IL12RB2: variants seen among roughly 807,000 people sequenced by gnomAD.
IL12RB2 encodes interleukin 12 receptor subunit beta 2.
A neutral mutation model predicts 89.4 loss-of-function variants in IL12RB2; 82 were observed. That is an observed-to-expected ratio of 0.92 (90% CI 0.77 to 1.10). IL12RB2 has a LOEUF of 1.10. Among genes scored for constraint, IL12RB2 ranks in the 50% least tolerant of loss-of-function variants. The probability of loss-of-function intolerance (pLI) is 0.00; values close to 1 mark genes in which losing one functional copy is unlikely to be tolerated. For synonymous variants in IL12RB2, 368 were observed against 370.1 expected (o/e 0.99, Z 0.07); for missense variants, 963 against 1,031.9 (o/e 0.93, Z 0.92).
chr1:67,307,981 G>A lies in IL12RB2; in HGVS notation c.-125+14G>A, dbSNP rs914114308. The A allele has an allele frequency of 3.9e-5, 6 of 152,124 alleles. No homozygotes were observed. The highest frequency in any genetic ancestry group is 4.8e-5 in the African/African-American group (2 of 41,426). 9.4% of individuals were successfully genotyped at this position (152,124 alleles called of 1,614,324 possible). ...AGGCGACACGTGGTGAGTGACCAGT[G>A]ACTCGGGGTCGGGGACAGAGAGAGC... On this transcript the variant is annotated intron_variant, in intron 1 of 16. Coordinates refer to ENST00000674203, the MANE Select transcript of IL12RB2 (RefSeq NM_001374259.2).
intron 9 of IL12RB2, among the ~76,000 whole-genome samples, chr1:67,343,594 T>C (rs1659901416): frequency 6.6e-6 from 1 of 152,182 alleles, no homozygotes; most frequent in Non-Finnish European, 1.5e-5. Context: ...ACTTCCTTTC[T>C]CTTCTCCTTC....
At chr1:67,326,345 G>A (rs959725932) in intron 4 of IL12RB2, among the ~76,000 whole-genome samples, 3 of 152,166 alleles carry the variant, frequency 2.0e-5, no homozygotes, top group African/African-American at 7.2e-5. Flanking sequence ...TTGGACTTGA[G>A]TTACAGCTGA....
chr1:67,345,083 A>T (rs1332413249), intron 9 of IL12RB2, among the ~76,000 whole-genome samples: 1 of 152,168 alleles, frequency 6.6e-6, no homozygotes, highest in Non-Finnish European at 1.5e-5. Context: ...AGGCAGGAGA[A>T]TCACTTGAAC....
intron 13 of IL12RB2, among the ~76,000 whole-genome samples, chr1:67,377,884 C>T (rs902204110): frequency 7.9e-5 from 12 of 151,920 alleles, no homozygotes; most frequent in Admixed American, 2.6e-4. Context: ...CCAGCACTTT[C>T]GGAGGCTGAG....
rs1666475373 is a variant in IL12RB2 at position 67,398,323 on chromosome 1, A to G, written c.*2234A>G. Among the ~76,000 whole-genome samples, 1 of 151,962 alleles carries G rather than the reference A, an allele frequency of 6.6e-6. No individual in the cohort carries two copies. Among genetic ancestry groups the G allele is most frequent in the South Asian group, 2.1e-4 (1 of 4,824 alleles). On this transcript the variant is annotated 3_prime_UTR_variant, in exon 17 of 17. Coordinates refer to ENST00000674203, the MANE Select transcript of IL12RB2 (RefSeq NM_001374259.2). ...GAGCTAACTTCACTGTTTTCTTACA[A>G]TACCTGGTTTTTCCTATCTTTGGTT... is the stretch of plus-strand genomic sequence containing the variant.
chr1:67,376,806 A>G (rs565594313), intron 13 of IL12RB2, among the ~76,000 whole-genome samples: 4 of 152,156 alleles, frequency 2.6e-5, no homozygotes, highest in Non-Finnish European at 5.9e-5. Flanking sequence ...CCCAGAGTTA[A>G]GGATGCCCTC....
chr1:67,334,617 T>C (rs917996832), intron 8 of IL12RB2, among the ~76,000 whole-genome samples: 1 of 110,648 alleles, frequency 9.0e-6, no homozygotes, highest in African/African-American at 2.6e-5. Context: ...TAGCTGGGAC[T>C]ACAGGCACCC....
intron 2 of IL12RB2, among the ~76,000 whole-genome samples, chr1:67,317,891 A>G (rs1024995291): frequency 3.3e-5 from 5 of 152,186 alleles, no homozygotes; most frequent in Admixed American, 3.3e-4. Flanking sequence ...ACAAACAAGT[A>G]ATTAAGTAAA....
intron 7 of IL12RB2, among the ~76,000 whole-genome samples, chr1:67,330,359 A>G (rs1657901417): frequency 6.6e-6 from 1 of 152,022 alleles, no homozygotes; most frequent in South Asian, 2.1e-4. Flanking sequence ...TCTCTAGTGT[A>G]GAAACTTTGT....
At position 67,395,631 on chromosome 1, in the gene IL12RB2, C is replaced by T. The variant is rs569202751; in HGVS notation, c.2131C>T (p.Leu711Phe). The change falls in exon 17 of 17, where the codon CTT becomes TTT. Residue 711 changes from leucine to phenylalanine, a missense_variant. Coordinates refer to ENST00000674203, the MANE Select transcript of IL12RB2 (RefSeq NM_001374259.2). ...DPEPLVISEV[L>F]HQVTPVFRHP... ...TGAACCGCTGGTCATCAGTGAAGTCCTTCATCAAGTGACCCCAGTTTTCAG... is the reference window on the plus strand; with the variant it reads ...TGAACCGCTGGTCATCAGTGAAGTCTTTCATCAAGTGACCCCAGTTTTCAG... 9.9e-6 allele frequency: 16 copies of T among 1,614,252 alleles called. No individual in the cohort carries two copies. In the African/African-American group the frequency reaches 2.0e-4, roughly 20 times the overall value.
chr1:67,312,694 G>C (rs1319923784), intron 1 of IL12RB2, among the ~76,000 whole-genome samples: 1 of 146,660 alleles, frequency 6.8e-6, no homozygotes, highest in Non-Finnish European at 1.5e-5. Flanking sequence ...GCCATAAAGA[G>C]GGAAAGGAGA....
At chr1:67,310,291 G>T (rs1377081012) in intron 1 of IL12RB2, among the ~76,000 whole-genome samples, 3 of 146,022 alleles carry the variant, frequency 2.1e-5, no homozygotes, top group African/African-American at 8.2e-5. Flanking sequence ...ACAGTGGTTT[G>T]TTTTTGTTTT....
intron 4 of IL12RB2, among the ~76,000 whole-genome samples, chr1:67,323,346 G>A (rs1009065221): frequency 6.6e-6 from 1 of 152,230 alleles, no homozygotes; most frequent in South Asian, 2.1e-4. Context: ...TATAGTAGAA[G>A]TAGCATGGGC....
At position 67,321,467 on chromosome 1, in the gene IL12RB2, G is replaced by T. The variant is rs555229782; in HGVS notation, c.77-135G>T. The T allele has an allele frequency of 1.1e-4, 79 of 709,518 alleles. No individual in the cohort carries two copies. In the African/African-American group the frequency reaches 1.2e-3, roughly 11 times the overall value. The allele number at this position is 709,518 out of a possible 1,614,324, so 44.0% of individuals were successfully genotyped here. ...TCATTGTACATCACCATTATAACCA[G>T]AGACATGTAGGTTAATTATATTTGC... On this transcript the variant is annotated intron_variant, in intron 3 of 16. Coordinates refer to ENST00000674203, the MANE Select transcript of IL12RB2 (RefSeq NM_001374259.2).
chr1:67,380,491 C>T (rs1570159705), intron 14 of IL12RB2, among the ~76,000 whole-genome samples: 1 of 152,204 alleles, frequency 6.6e-6, no homozygotes, highest in African/African-American at 2.4e-5. Flanking sequence ...ACACAGTACT[C>T]GCTTACTAAG....
In IL12RB2 at chr1:67,307,896, G is replaced by A. The variant is rs1287533341; in HGVS notation, c.-196G>A. 4 of 151,996 alleles carry A rather than the reference G, an allele frequency of 2.6e-5. No individual in the cohort carries two copies. Among genetic ancestry groups the A allele is most frequent in the Non-Finnish European group, 4.4e-5 (3 of 68,002 alleles). 9.4% of individuals were successfully genotyped at this position (151,996 alleles called of 1,614,324 possible). ...GCAGAGAGCGCGGAGAGCGCGACAC[G>A]TGCGGCCCAGAGCACCGGGGCCACC... is the stretch of plus-strand genomic sequence containing the variant. On this transcript the variant is annotated 5_prime_UTR_variant, in exon 1 of 17. It adds an upstream start codon to the 5' untranslated region. Transcript: ENST00000674203.
chr1:67,310,082 G>A (rs1443693635), intron 1 of IL12RB2, among the ~76,000 whole-genome samples: 1 of 150,422 alleles, frequency 6.6e-6, no homozygotes, highest in Non-Finnish European at 1.5e-5. Context: ...TACTCGGGAG[G>A]TTGAGACAGG....
intron 2 of IL12RB2, 51 bp from the exon 3 acceptor site, chr1:67,320,282 T>C: frequency 5.0e-6 from 8 of 1,610,100 alleles, no homozygotes; most frequent in Non-Finnish European, 5.9e-6. Flanking sequence ...ATTTTGGCTC[T>C]GGTATTTTCT....
intron 15 of IL12RB2, among the ~76,000 whole-genome samples, chr1:67,387,268 T>C (rs1041749175): frequency 1.3e-5 from 2 of 151,772 alleles, no homozygotes; most frequent in Non-Finnish European, 2.9e-5. Context: ...TAGTGGAAAA[T>C]ATGTTCACTG....
Sources: allele counts gnomAD v4.1 joint callset (sites outside exome capture counted in the v4.1 genomes callset), GRCh38; gene constraint gnomAD v4.1.1; transcripts MANE v1.5; gene names NCBI Gene and HGNC (gene_info 2026-07-23, HGNC 2026-07-21).